Variants in DCUN1D4 observed in about 807,000 individuals in gnomAD.
The protein encoded by DCUN1D4 is DCN1-like protein 4.
DCUN1D4 carries 22 observed loss-of-function variants against 47.9 expected under a neutral mutation model. The observed-to-expected ratio is 0.46, with a 90% CI of 0.33 to 0.66. DCUN1D4 has a LOEUF of 0.66. DCUN1D4 is among the 30% of genes least tolerant of loss of function. DCUN1D4 has a pLI of 0.02. For missense variants in DCUN1D4, 301 were observed against 340.8 expected, an observed-to-expected ratio of 0.88 and a Z score of 0.92; for synonymous variants, 121 against 112.2, an observed-to-expected ratio of 1.08 and a Z score of -0.50.
intron 7 of DCUN1D4, among the ~76,000 whole-genome samples, chr4:51,893,946 C>T (rs1214236035): frequency 2.0e-5 from 3 of 152,168 alleles, no homozygotes; most frequent in African/African-American, 7.2e-5. Context: ...GATACCAGAC[C>T]TTGCCCATGT....
chr4:51,906,119 C>T (rs1732854362), intron 8 of DCUN1D4, among the ~76,000 whole-genome samples: 1 of 152,094 alleles, frequency 6.6e-6, no homozygotes, highest in Non-Finnish European at 1.5e-5. Flanking sequence ...AGGCAGAACA[C>T]TCAAGTGGGA....
At chr4:51,841,386 G>A (rs1232511891), upstream of DCUN1D4, among the ~76,000 whole-genome samples, 3 of 152,098 alleles carry the variant, frequency 2.0e-5, no homozygotes, top group African/African-American at 7.2e-5. Context: ...TCAGAGTAAG[G>A]GCGGATATTC....
intron 1 of DCUN1D4, among the ~76,000 whole-genome samples, chr4:51,862,776 A>C (rs1725269783): frequency 6.6e-6 from 1 of 152,020 alleles, no homozygotes; most frequent in South Asian, 2.1e-4. Flanking sequence ...TGGGAGGCTG[A>C]GGCAGGAGGA....
chr4:51,882,288 T>C (rs1212064813), intron 5 of DCUN1D4, among the ~76,000 whole-genome samples: 5 of 152,202 alleles, frequency 3.3e-5, no homozygotes, highest in African/African-American at 7.2e-5. Context: ...AGCACCGTGC[T>C]CAGAGTTCAT....
Position 51,877,867 on chromosome 4 carries a change from T to G in DCUN1D4, c.343+13T>G. On this transcript the variant is annotated intron_variant, in intron 5 of 10. Coordinates refer to ENST00000334635, the MANE Select transcript of DCUN1D4 (RefSeq NM_001040402.3). Reference sequence around the variant, plus strand: ...TATGAATATGCAGGTAGGTATTCATTTGTATCATCTAAGACTGATCCTTAT... The same window carrying G: ...TATGAATATGCAGGTAGGTATTCATGTGTATCATCTAAGACTGATCCTTAT... 2.6e-6 allele frequency: 4 copies of G among 1,541,652 alleles called. No individual in the cohort carries two copies. Among genetic ancestry groups the G allele is most frequent in the Non-Finnish European group, 3.6e-6 (4 of 1,118,040 alleles).
At chr4:51,837,654 CAAAAAAAAAAAAAAAAA>C in the DCUN1D4 span, among the ~76,000 whole-genome samples, 3 of 46,180 alleles carry the variant, frequency 6.5e-5, no homozygotes, top group Non-Finnish European at 1.1e-4. Flanking sequence ...GACTCCGTCT[CAAAAAAAAAAAAAAAAA>C]AAAAAAAAAA....
intron 3 of DCUN1D4, among the ~76,000 whole-genome samples, chr4:51,873,183 A>T (rs185743711): frequency 3.9e-5 from 6 of 152,174 alleles, no homozygotes; most frequent in Non-Finnish European, 8.8e-5. Context: ...TGGGCCTTCA[A>T]CCAAGGGCTT....
chr4:51,864,911 A>G (rs1014903944), intron 3 of DCUN1D4: 29 of 152,456 alleles, frequency 1.9e-4, no homozygotes, highest in African/African-American at 5.8e-4. Context: ...TCTTTAGATG[A>G]CTAAATAGAG....
Position 51,843,209 on chromosome 4 carries a change from C to A in DCUN1D4, c.-34C>A. The A allele has an allele frequency of 6.5e-7, 1 of 1,539,078 alleles. No homozygotes were observed. The highest frequency in any genetic ancestry group is 8.8e-7 in the Non-Finnish European group (1 of 1,142,832). ...GGGGACCGCGAGGCGAGCGCGGGAGCCTGGGCGGCGAGCCGGGTGTGAGCT... is the reference window on the plus strand; with the variant it reads ...GGGGACCGCGAGGCGAGCGCGGGAGACTGGGCGGCGAGCCGGGTGTGAGCT... On this transcript the variant is annotated 5_prime_UTR_variant, in exon 1 of 11. Transcript: ENST00000334635.
intron 5 of DCUN1D4, among the ~76,000 whole-genome samples, chr4:51,882,152 T>C (rs192614226): frequency 1.5e-3 from 225 of 152,204 alleles, no homozygotes; most frequent in Middle Eastern, 0.014. Context: ...CACAGACACA[T>C]GTATTTATAA....
chr4:51,864,036 T>G (rs1725511749), intron 3 of DCUN1D4, among the ~76,000 whole-genome samples: 1 of 152,220 alleles, frequency 6.6e-6, no homozygotes, highest in South Asian at 2.1e-4. Flanking sequence ...TCCACAAATA[T>G]TTGAGAAATT....
At chr4:51,899,171 T>G in intron 7 of DCUN1D4, 99 bp from the exon 8 acceptor site, 2 of 1,405,082 alleles carry the variant, frequency 1.4e-6, no homozygotes, top group Non-Finnish European at 1.9e-6. Context: ...ACTTCAGGGA[T>G]TTGTTCTTTC....
intron 1 of DCUN1D4, among the ~76,000 whole-genome samples, chr4:51,848,527 G>C (rs1056228834): frequency 3.3e-5 from 5 of 152,146 alleles, no homozygotes; most frequent in Non-Finnish European, 2.9e-5. Flanking sequence ...TGATGAATCT[G>C]ACATAAATGC....
In DCUN1D4 at chr4:51,914,331, T is replaced by G. The variant is rs1324235217; in HGVS notation, c.*747T>G. The G allele has an allele frequency of 1.3e-5, 2 of 152,172 alleles. No homozygotes were observed. Among genetic ancestry groups the G allele is most frequent in the African/African-American group, 4.8e-5 (2 of 41,454 alleles). 9.4% of individuals were successfully genotyped at this position (152,172 alleles called of 1,614,324 possible). ...TAAAAGAATGGGATTTAAACTCTTA[T>G]AAACATTCTTTAACTTTTTTGTTTG... On this transcript the variant is annotated 3_prime_UTR_variant, in exon 11 of 11. Coordinates refer to ENST00000334635, the MANE Select transcript of DCUN1D4 (RefSeq NM_001040402.3).
chr4:51,870,655 G>A (rs1489757623), intron 3 of DCUN1D4, among the ~76,000 whole-genome samples: 1 of 152,160 alleles, frequency 6.6e-6, no homozygotes, highest in Non-Finnish European at 1.5e-5. Context: ...GTATGCACAA[G>A]TGAACCAAAC....
intron 6 of DCUN1D4, chr4:51,887,163 T>C (rs1376957029): frequency 6.7e-6 from 3 of 445,692 alleles, no homozygotes; most frequent in African/African-American, 4.1e-5. Flanking sequence ...TGCAATGGTA[T>C]GATGTCGGCT....
the DCUN1D4 span, among the ~76,000 whole-genome samples, chr4:51,833,888 G>C: frequency 6.6e-6 from 1 of 152,102 alleles, no homozygotes; most frequent in Admixed American, 6.5e-5. Context: ...CTCAGTCAAG[G>C]AAGGCTTAAT....
rs974505559 is a variant in DCUN1D4, at chr4:51,861,631, C to G, written c.26-1806C>G. On this transcript the variant is annotated intron_variant, in intron 1 of 10. Transcript: ENST00000334635. ...CTTTTGGCAAGCCCCTTTTTCTCTC[C>G]CCTCCCTTACCCTCAGTGAAAAGAG... 2.6e-5 allele frequency among the ~76,000 whole-genome samples: 4 copies of G among 152,128 alleles called. No individual in the cohort carries two copies. In the East Asian group the frequency reaches 5.8e-4, roughly 22 times the overall value.
intron 1 of DCUN1D4, chr4:51,843,502 G>T: frequency 7.7e-7 from 1 of 1,290,694 alleles, no homozygotes; most frequent in Non-Finnish European, 9.8e-7. Context: ...AGGTGAGGGG[G>T]GTGGGGACTG....
Sources: allele counts gnomAD v4.1 joint callset (sites outside exome capture counted in the v4.1 genomes callset), GRCh38; gene constraint gnomAD v4.1.1; transcripts MANE v1.5; gene names NCBI Gene and HGNC (gene_info 2026-07-23, HGNC 2026-07-21).